GPHN: variants seen among roughly 807,000 people sequenced by gnomAD.
The protein encoded by GPHN is gephyrin.
Under a neutral mutation model 95.5 loss-of-function variants are expected in GPHN, and 17 were observed. The observed-to-expected ratio is 0.18, with a 90% CI of 0.12 to 0.27. The LOEUF (loss-of-function observed/expected upper bound fraction) is 0.27, where lower values mean the gene tolerates loss of function less well. GPHN is among the 10% of genes least tolerant of loss of function. The pLI is 1.00. For missense variants in GPHN, 660 were observed against 978.1 expected (o/e 0.67, Z 4.34); for synonymous variants, 320 against 322.5 (o/e 0.99, Z 0.08).
intron 4 of GPHN, among the ~76,000 whole-genome samples, chr14:66,845,470 A>C (rs1296583624): frequency 6.6e-6 from 1 of 152,172 alleles, no homozygotes; most frequent in Non-Finnish European, 1.5e-5. Context: ...GATTGTAAGA[A>C]AACAAAAATG....
chr14:66,701,362 A>G (rs762466560), intron 2 of GPHN, among the ~76,000 whole-genome samples: 1 of 152,206 alleles, frequency 6.6e-6, no homozygotes, highest in African/African-American at 2.4e-5. Context: ...ATAACTGTAC[A>G]TTTGGGTGCG....
At chr14:66,621,429 T>A (rs1301430291) in intron 1 of GPHN, among the ~76,000 whole-genome samples, 1 of 65,116 alleles carries the variant, frequency 1.5e-5, no homozygotes, top group African/African-American at 2.8e-4. Flanking sequence ...CTGTCAAATC[T>A]TTTTTTTTTT....
At chr14:67,628,081 G>C in the GPHN span, among the ~76,000 whole-genome samples, 1 of 152,224 alleles carries the variant, frequency 6.6e-6, no homozygotes, top group Non-Finnish European at 1.5e-5. Flanking sequence ...ACCTGTAGCA[G>C]AGGAATAGGA....
At chr14:66,927,724 A>C (rs2066557331) in intron 8 of GPHN, among the ~76,000 whole-genome samples, 1 of 151,942 alleles carries the variant, frequency 6.6e-6, no homozygotes, top group Non-Finnish European at 1.5e-5. Context: ...TTCTATACCC[A>C]GTTTTTTTAG....
chr14:66,983,304 T>C (rs1236567577), intron 9 of GPHN, among the ~76,000 whole-genome samples: 1 of 152,168 alleles, frequency 6.6e-6, no homozygotes, highest in African/African-American at 2.4e-5. Flanking sequence ...ATTTCTTTTA[T>C]GTATACTACC....
At chr14:66,636,445 C>T (rs111676230) in intron 1 of GPHN, among the ~76,000 whole-genome samples, 2 of 151,998 alleles carry the variant, frequency 1.3e-5, no homozygotes, top group African/African-American at 4.8e-5. Context: ...CTAATTTATA[C>T]TCAGTCAGCA....
the GPHN span, among the ~76,000 whole-genome samples, chr14:67,635,461 C>T: frequency 3.3e-5 from 5 of 152,346 alleles, no homozygotes; most frequent in African/African-American, 1.2e-4. Context: ...TCCCCACCCT[C>T]CAGTTTAGAC....
chr14:67,445,530 T>C, the GPHN span, among the ~76,000 whole-genome samples: 7 of 142,756 alleles, frequency 4.9e-5, no homozygotes, highest in South Asian at 1.6e-3. Flanking sequence ...CAGAGAGAAA[T>C]GATAATTCCC....
At chr14:67,287,472 G>C in the GPHN span, among the ~76,000 whole-genome samples, 1 of 152,104 alleles carries the variant, frequency 6.6e-6, no homozygotes, top group Non-Finnish European at 1.5e-5. Context: ...TAAAATGGAT[G>C]AAAGAAGAAA....
At chr14:66,696,435 G>A (rs748238853) in intron 2 of GPHN, among the ~76,000 whole-genome samples, 21 of 152,176 alleles carry the variant, frequency 1.4e-4, no homozygotes, top group African/African-American at 3.1e-4. Context: ...AAATAATGTG[G>A]TGGTGTGTTC....
At chr14:67,051,009 G>C (rs903827882) in intron 10 of GPHN, among the ~76,000 whole-genome samples, 1 of 152,216 alleles carries the variant, frequency 6.6e-6, no homozygotes. Context: ...ACACCACCCA[G>C]GCCTTGGTTC....
chr14:66,893,409 C>G (rs1210916910), intron 5 of GPHN, among the ~76,000 whole-genome samples: 1 of 152,118 alleles, frequency 6.6e-6, no homozygotes, highest in Non-Finnish European at 1.5e-5. Context: ...CAGTATCATA[C>G]TGAATGGGCA....
At chr14:67,174,496 T>G (rs918617202) in intron 21 of GPHN, among the ~76,000 whole-genome samples, 1 of 152,166 alleles carries the variant, frequency 6.6e-6, no homozygotes, top group Non-Finnish European at 1.5e-5. Context: ...GACATTTGGG[T>G]TGGTTCCAAG....
At chr14:66,669,364 CAA>C (rs34581492) in intron 1 of GPHN, among the ~76,000 whole-genome samples, 44,344 of 120,004 alleles carry the variant, frequency 0.37, 9,628 homozygotes, top group African/African-American at 0.62. Context: ...AACTCTGTCT[CAA>C]AAAAAAAAAA....
intron 9 of GPHN, among the ~76,000 whole-genome samples, chr14:67,020,419 GTTGT>G (rs1220059214): frequency 2.0e-5 from 3 of 152,028 alleles, no homozygotes; most frequent in Non-Finnish European, 4.4e-5. Context: ...AAAGATTGTT[GTTGT>G]TTGTTAAAAT....
the GPHN span, among the ~76,000 whole-genome samples, chr14:67,514,088 G>A: frequency 5.3e-5 from 8 of 152,170 alleles, no homozygotes; most frequent in African/African-American, 1.4e-4. Context: ...GAGAACACAT[G>A]AGAATTGGTG....
At chr14:67,387,403 T>C in the GPHN span, 1 of 1,610,946 alleles carries the variant, frequency 6.2e-7, no homozygotes, top group South Asian at 1.1e-5. Flanking sequence ...TAATAGTGTG[T>C]GTCATCCTTA....
chr14:67,360,474 C>T, the GPHN span: 1 of 359,064 alleles, frequency 2.8e-6, no homozygotes, highest in Non-Finnish European at 5.0e-6. Context: ...ATCCCAAGCT[C>T]GGTTTCTCCA....
intron 4 of GPHN, 55 bp downstream of exon 4, chr14:66,824,621 T>C: frequency 1.2e-6 from 1 of 803,590 alleles, no homozygotes; most frequent in South Asian, 1.5e-5. Flanking sequence ...ATGGTTTTTT[T>C]AATCCTTTTT....
Sources: gnomAD v4.1 joint callset for allele counts (sites outside exome capture counted in the v4.1 genomes callset) on GRCh38, gnomAD v4.1.1 for gene constraint, MANE v1.5 for transcripts, NCBI Gene and HGNC (gene_info 2026-07-23, HGNC 2026-07-21) for gene names.